MZT2B: variants seen among roughly 807,000 people sequenced by gnomAD.
The protein encoded by MZT2B is mitotic spindle organizing protein 2B, also known as mitotic-spindle organizing protein 2B.
Under a neutral mutation model 12.1 loss-of-function variants are expected in MZT2B, and 11 were observed. The observed-to-expected ratio is 0.91, with a 90% CI of 0.57 to 1.50. The LOEUF (loss-of-function observed/expected upper bound fraction) is 1.50. Ranked by LOEUF, MZT2B falls within the 40% of genes most tolerant of loss-of-function variation. The probability of loss-of-function intolerance (pLI) is 0.00; values close to 1 mark genes in which losing one functional copy is unlikely to be tolerated. For synonymous variants in MZT2B, 85 were observed against 109.5 expected, an observed-to-expected ratio of 0.78 and a Z score of 1.40; for missense variants, 209 against 227.7, an observed-to-expected ratio of 0.92 and a Z score of 0.53.
At chr2:130,186,038 A>G (rs370113895) in intron 2 of MZT2B, among the ~76,000 whole-genome samples, 1 of 152,136 alleles carries the variant, frequency 6.6e-6, no homozygotes, top group African/African-American at 2.4e-5. Flanking sequence ...CAGAGGCCAC[A>G]GATGGAATGC....
chr2:130,188,460 CAA>C (rs1174085258), intron 2 of MZT2B, among the ~76,000 whole-genome samples: 2 of 152,214 alleles, frequency 1.3e-5, no homozygotes, highest in Admixed American at 6.5e-5. Flanking sequence ...GTTTGTACCA[CAA>C]GAGATGCGTG....
upstream of MZT2B, chr2:130,181,907 G>T: frequency 6.7e-7 from 1 of 1,498,204 alleles, no homozygotes; most frequent in Non-Finnish European, 8.9e-7. Context: ...GTGCACCGGT[G>T]CGGACCAGAA....
chr2:130,183,395 G>A (rs746762134), intron 2 of MZT2B: 1 of 361,816 alleles, frequency 2.8e-6, no homozygotes, highest in South Asian at 2.5e-5. Flanking sequence ...AACTCCCAGG[G>A]TGCAGAGGCC....
chr2:130,194,576 T>G, downstream of MZT2B: 1 of 1,228,392 alleles, frequency 8.1e-7, no homozygotes, highest in Non-Finnish European at 1.1e-6. Context: ...TGGATTCAAA[T>G]CATCCATAAT....
At chr2:130,184,659 G>C (rs1284019493) in intron 2 of MZT2B, 1 of 985,308 alleles carries the variant, frequency 1.0e-6, no homozygotes, top group African/African-American at 1.7e-5. Context: ...CTGGAGTAGG[G>C]GTGTATGCAC....
intron 2 of MZT2B, among the ~76,000 whole-genome samples, chr2:130,185,604 C>G (rs1448406128): frequency 8.8e-6 from 1 of 114,260 alleles, no homozygotes; most frequent in African/African-American, 3.1e-5. Context: ...CGGCAGAGCC[C>G]CACACGTGTG....
the MZT2B span, among the ~76,000 whole-genome samples, chr2:130,201,587 C>CGGGG: frequency 5.4e-5 from 8 of 147,838 alleles, no homozygotes; most frequent in African/African-American, 2.1e-4. Context: ...CTAATATTGG[C>CGGGG]GGGGGGGGAC....
At chr2:130,181,812 G>A (rs778537816), upstream of MZT2B, 4 of 1,545,292 alleles carry the variant, frequency 2.6e-6, no homozygotes, top group South Asian at 3.6e-5. Flanking sequence ...TTTCTCCCCA[G>A]CAAGGAATCC....
chr2:130,182,142 A>G, upstream of MZT2B: 1 of 1,256,202 alleles, frequency 8.0e-7, no homozygotes, highest in African/African-American at 1.6e-5. Flanking sequence ...GACGCCGCGG[A>G]GGCGGCCCCG....
the MZT2B span, among the ~76,000 whole-genome samples, chr2:130,203,568 G>C: frequency 6.6e-6 from 1 of 151,222 alleles, no homozygotes; most frequent in South Asian, 2.1e-4. Context: ...CTCCACCCAG[G>C]GAGTCTTTGA....
rs755853327 is a variant in MZT2B at position 130,182,668 on chromosome 2, C to T, written c.212C>T (p.Ala71Val). Residue 71 changes from alanine to valine, a missense_variant, in exon 2 of 3, where the codon GCC (alanine) becomes GTC (valine). Physicochemically the swap from Ala to Val is moderately conservative, Grantham distance 64. Transcript: ENST00000281871. ...DLLKLNVAPL[A>V]VFQMLKSMCA... ...CTGAAGCTGAACGTGGCCCCCCTCGCCGTCTTCCAGATGCTCAAGTCCATG... is the reference window on the plus strand; with the variant it reads ...CTGAAGCTGAACGTGGCCCCCCTCGTCGTCTTCCAGATGCTCAAGTCCATG... The T allele has an allele frequency of 5.8e-6, 9 of 1,553,906 alleles. No homozygotes were observed. The highest frequency in any genetic ancestry group is 4.7e-5 in the South Asian group (4 of 84,702).
upstream of MZT2B, chr2:130,182,174 C>G (rs547973996): frequency 8.7e-6 from 11 of 1,263,282 alleles, no homozygotes; most frequent in South Asian, 2.6e-4. Context: ...CCGCCCCTCC[C>G]GCCAGGGCAG....
rs1284607211 is a variant in MZT2B at position 130,184,040 on chromosome 2, G to T, written c.319+1265G>T. On this transcript the variant is annotated intron_variant, in intron 2 of 2. Coordinates refer to ENST00000281871, the MANE Select transcript of MZT2B (RefSeq NM_025029.5). ...CATGGAAACTGCCTGGCCCCAGGAG[G>T]CCCAAGCAGCTTTGAGCTCCAAGGG... 1.4e-5 allele frequency: 22 copies of T among 1,550,166 alleles called. No individual in the cohort carries two copies. The Admixed American group carries it at 2.6e-4, about 18-fold the overall frequency.
At chr2:130,191,871 T>G (rs1284299052), downstream of MZT2B, 1 of 1,613,234 alleles carries the variant, frequency 6.2e-7, no homozygotes, top group Non-Finnish European at 8.5e-7. Context: ...TTCCACGGAA[T>G]CCACGCCCAC....
At chr2:130,193,053 A>G (rs1690305629), downstream of MZT2B, among the ~76,000 whole-genome samples, 1 of 151,110 alleles carries the variant, frequency 6.6e-6, no homozygotes, top group African/African-American at 2.4e-5. Context: ...AGATCGTGCC[A>G]CTGCATTCCA....
At chr2:130,204,648 G>A in the MZT2B span, among the ~76,000 whole-genome samples, 2 of 140,562 alleles carry the variant, frequency 1.4e-5, no homozygotes, top group Admixed American at 1.5e-4. Flanking sequence ...CCAAGATCAT[G>A]CCACTGCACT....
downstream of MZT2B, among the ~76,000 whole-genome samples, chr2:130,192,607 T>C (rs1392322921): frequency 1.3e-5 from 2 of 152,154 alleles, no homozygotes; most frequent in Non-Finnish European, 2.9e-5. Context: ...TCAAGAGTCA[T>C]ATGAATGCTG....
At position 130,182,300 on chromosome 2, in the gene MZT2B, A is replaced by AGGGCCT; in HGVS notation, c.24_29dup (p.Pro10_Gly11dup). ...CCGCGGGGATGGCGGCGCAGGGCGT[A>AGGGCCT]GGGCCTGGGCCGGGGTCGGCGGCGC... On this transcript the variant is annotated inframe_insertion, in exon 1 of 3. Coordinates refer to ENST00000281871, the MANE Select transcript of MZT2B (RefSeq NM_025029.5). 1 of 1,472,534 alleles carries AGGGCCT rather than the reference A, an allele frequency of 6.8e-7. No individual in the cohort carries two copies. Among genetic ancestry groups the AGGGCCT allele is most frequent in the Non-Finnish European group, 8.9e-7 (1 of 1,120,652 alleles). 91.2% of individuals were successfully genotyped at this position (1,472,534 alleles called of 1,614,324 possible).
rs1412912006 is a variant in MZT2B, at chr2:130,182,460, G to GC, written c.170+8_170+9insC. ...CGACCCCGACGTGTTCAAGTGAGCG[G>GC]GGCGGGTGGGGGCCGCATGCTAGCC... On this transcript the variant is annotated intron_variant, in intron 1 of 2. Transcript: ENST00000281871. 2 of 1,546,472 alleles carry GC rather than the reference G, an allele frequency of 1.3e-6. No homozygotes were observed. The highest frequency in any genetic ancestry group is 1.7e-6 in the Non-Finnish European group (2 of 1,146,392).
Sources: allele counts gnomAD v4.1 joint callset (sites outside exome capture counted in the v4.1 genomes callset), GRCh38; gene constraint gnomAD v4.1.1; transcripts MANE v1.5; gene names NCBI Gene and HGNC (gene_info 2026-07-23, HGNC 2026-07-21).